Variants in CFAP54 observed in about 807,000 individuals in gnomAD.
The protein encoded by CFAP54 is cilia- and flagella-associated protein 54.
A neutral mutation model predicts 370.4 loss-of-function variants in CFAP54; 290 were observed. The ratio of observed to expected loss-of-function variants is 0.78; its 90% CI spans 0.71 to 0.86. The LOEUF (loss-of-function observed/expected upper bound fraction) is 0.86. Among genes scored for constraint, CFAP54 ranks in the 40% least tolerant of loss-of-function variants. The pLI is 0.00. For missense variants in CFAP54, 3,399 were observed against 3,528.7 expected (o/e 0.96, Z 0.93); for synonymous variants, 1,206 against 1,236.5 (o/e 0.98, Z 0.52).
chr12:96,712,776 T>A (rs545385342), intron 48 of CFAP54, among the ~76,000 whole-genome samples: 1 of 152,294 alleles, frequency 6.6e-6, no homozygotes, highest in South Asian at 2.1e-4. Flanking sequence ...ACAGGCAATG[T>A]TTTTCTTTCT....
At chr12:96,870,439 G>A (rs12578261) in intron 67 of CFAP54, among the ~76,000 whole-genome samples, 1,696 of 152,276 alleles carry the variant, frequency 0.011, 78 homozygotes, top group East Asian at 0.11. Context: ...ACATCGGATA[G>A]TCCTGGCTTT....
intron 48 of CFAP54, among the ~76,000 whole-genome samples, chr12:96,715,876 C>G (rs1406670483): frequency 6.6e-6 from 1 of 151,914 alleles, no homozygotes. Context: ...TTTTTATGTT[C>G]CCTTCCTGGA....
chr12:96,795,084 A>G (rs1233204339), intron 63 of CFAP54, among the ~76,000 whole-genome samples: 1 of 152,160 alleles, frequency 6.6e-6, no homozygotes, highest in Non-Finnish European at 1.5e-5. Flanking sequence ...AAATCCTGTA[A>G]TATGATCCAC....
intron 60 of CFAP54, among the ~76,000 whole-genome samples, chr12:96,775,606 GACA>G (rs1958509668): frequency 6.6e-6 from 1 of 152,160 alleles, no homozygotes; most frequent in African/African-American, 2.4e-5. Context: ...GCTAGAGTTT[GACA>G]ACACCTGGAC....
intron 41 of CFAP54, 32 bp downstream of exon 41, chr12:96,684,767 A>C (rs770218927): frequency 4.5e-5 from 69 of 1,524,414 alleles, no homozygotes; most frequent in Non-Finnish European, 6.1e-5. Flanking sequence ...GAACAAGGGC[A>C]AAGGTTTTTT....
chr12:96,614,813 G>C (rs574024323), intron 26 of CFAP54, among the ~76,000 whole-genome samples: 4 of 152,060 alleles, frequency 2.6e-5, no homozygotes, highest in Non-Finnish European at 5.9e-5. Flanking sequence ...GGGATGTGAA[G>C]GACCTCTTCA....
chr12:96,621,812 T>A, intron 27 of CFAP54, 91 bp downstream of exon 27: 5 of 956,986 alleles, frequency 5.2e-6, no homozygotes, highest in Non-Finnish European at 6.8e-6. Flanking sequence ...AGAAAATTGG[T>A]AAGTTTTACA....
rs752030391 is a variant in CFAP54 at position 96,792,483 on chromosome 12, A to G, written c.8834A>G (p.Lys2945Arg). Residue 2945 changes from lysine to arginine, a missense_variant, in exon 63 of 68, where the codon AAG becomes AGG. By Grantham distance (26) the Lys-to-Arg change is conservative. Transcript: ENST00000524981. Reference sequence around the variant, plus strand: ...ATTCCTCCCCTGGATAGACCTCCCAAGGAGACAGAACCTATGGTATGTAAT... The same window carrying G: ...ATTCCTCCCCTGGATAGACCTCCCAGGGAGACAGAACCTATGGTATGTAAT... ...WYIPPLDRPP[K>R]ETEPMVLLLY... is the part of the protein sequence containing the mutation. 7.6e-5 allele frequency: 117 copies of G among 1,534,896 alleles called. 3 individuals are homozygous for G. The highest frequency in any genetic ancestry group is 7.4e-4 in the South Asian group (62 of 83,930).
intron 50 of CFAP54, among the ~76,000 whole-genome samples, chr12:96,721,318 G>A (rs1468168814): frequency 2.0e-5 from 3 of 152,168 alleles, no homozygotes; most frequent in African/African-American, 4.8e-5. Flanking sequence ...TTATTTAAAT[G>A]TGCTGCAATT....
At chr12:96,729,269 C>T (rs1326262902) in intron 50 of CFAP54, among the ~76,000 whole-genome samples, 2 of 152,164 alleles carry the variant, frequency 1.3e-5, no homozygotes, top group Admixed American at 1.3e-4. Flanking sequence ...TTTGTCTGTG[C>T]CCTGCCCCCA....
chr12:96,552,748 G>T (rs905906782), intron 15 of CFAP54, among the ~76,000 whole-genome samples: 3 of 152,180 alleles, frequency 2.0e-5, no homozygotes, highest in Non-Finnish European at 4.4e-5. Context: ...AAATGAACTG[G>T]AGTAGGCTTA....
In CFAP54 at chr12:96,860,849, T is replaced by A. The variant is rs1304512923; in HGVS notation, c.9202T>A (p.Phe3068Ile). ...ATTTGATATCTCACTGCCGTCTATA[T>A]TCAATCTTGAGAGACTTTTTGATCT... Reference protein sequence around the residue: ...VPFDISLPSIFNLERLFDLAN... With the variant: ...VPFDISLPSIINLERLFDLAN... The change falls in exon 67 of 68, where the codon TTC (phenylalanine) becomes ATC (isoleucine). Residue 3068 changes from phenylalanine (F) to isoleucine (I), a missense_variant. Phe to Ile is a conservative substitution (Grantham distance 21, BLOSUM62 0). Around this residue, in one of 3 missense-constraint regions of CFAP54, gnomAD observed 2,796 missense variants for 2,869.7 expected, o/e 0.97. Coordinates refer to ENST00000524981, the MANE Select transcript of CFAP54 (RefSeq NM_001306084.2). 1.3e-6 allele frequency: 2 copies of A among 1,533,962 alleles called. No individual in the cohort carries two copies. The highest frequency in any genetic ancestry group is 1.7e-6 in the Non-Finnish European group (2 of 1,145,546).
Position 96,635,406 on chromosome 12 carries a change from T to C in CFAP54, c.4316+4755T>C, listed in dbSNP as rs547144766. ...ATTATTACATAAATGTTAAATGATG[T>C]GTAGTATCTTTTTGCTCATACCACT... is the stretch of plus-strand genomic sequence containing the variant. On this transcript the variant is annotated intron_variant, in intron 32 of 67. Transcript: ENST00000524981. Among the ~76,000 whole-genome samples the C allele has an allele frequency of 2.0e-5, 3 of 152,340 alleles. No homozygotes were observed. The South Asian group carries it at 6.2e-4, about 32-fold the overall frequency.
chr12:96,783,086 G>A (rs1181566320), intron 60 of CFAP54, among the ~76,000 whole-genome samples: 1 of 152,170 alleles, frequency 6.6e-6, no homozygotes, highest in East Asian at 1.9e-4. Flanking sequence ...AATGCATGCA[G>A]TATGATTCTC....
At chr12:96,663,984 C>A in intron 39 of CFAP54, 52 bp downstream of exon 39, 1 of 1,349,356 alleles carries the variant, frequency 7.4e-7, no homozygotes, top group Non-Finnish European at 1.1e-6. Flanking sequence ...CGAGGTTTGC[C>A]ATTGTGTTCT....
intron 60 of CFAP54, among the ~76,000 whole-genome samples, chr12:96,770,444 T>A (rs1483658243): frequency 6.6e-6 from 1 of 152,184 alleles, no homozygotes; most frequent in Non-Finnish European, 1.5e-5. Flanking sequence ...AGACCCTGTT[T>A]ATTTAGACAG....
At chr12:96,663,797 G>T (rs770990109) in intron 38 of CFAP54, 33 bp from the exon 39 acceptor site, 2 of 1,485,940 alleles carry the variant, frequency 1.3e-6, no homozygotes, top group South Asian at 2.3e-5. Context: ...ATAAATACCC[G>T]ACTAATATTT....
At chr12:96,655,952 T>TA (rs1228781292) in intron 36 of CFAP54, among the ~76,000 whole-genome samples, 2 of 152,150 alleles carry the variant, frequency 1.3e-5, no homozygotes, top group African/African-American at 4.8e-5. Flanking sequence ...AATACTAAAA[T>TA]ATTCATAGAT....
chr12:96,834,183 G>A (rs1219300549), intron 66 of CFAP54, among the ~76,000 whole-genome samples: 1 of 152,206 alleles, frequency 6.6e-6, no homozygotes, highest in South Asian at 2.1e-4. Flanking sequence ...TAGTCTTTAA[G>A]AAGATTCGAG....
Sources: allele counts gnomAD v4.1 joint callset (sites outside exome capture counted in the v4.1 genomes callset), GRCh38; gene constraint gnomAD v4.1.1; regional missense constraint gnomAD v4.1.1; transcripts MANE v1.5; gene names NCBI Gene and HGNC (gene_info 2026-07-23, HGNC 2026-07-21).